CDH13: variants seen among roughly 807,000 people sequenced by gnomAD.
CDH13 encodes cadherin-13.
A neutral mutation model predicts 63.8 loss-of-function variants in CDH13; 24 were observed. The observed-to-expected ratio is 0.38, with a 90% CI of 0.27 to 0.53. The LOEUF is 0.53. Ranked by LOEUF, CDH13 falls within the 20% of genes least tolerant of loss-of-function variation. The pLI, the probability that CDH13 is intolerant of heterozygous loss-of-function variation, is 0.85. For missense variants in CDH13, 1,049 were observed against 903.1 expected, an observed-to-expected ratio of 1.16 and a Z score of -2.07; for synonymous variants, 503 against 355.3, an observed-to-expected ratio of 1.42 and a Z score of -4.67.
At chr16:82,888,195 C>G (rs537450722) in intron 2 of CDH13, among the ~76,000 whole-genome samples, 1 of 152,190 alleles carries the variant, frequency 6.6e-6, no homozygotes, top group Non-Finnish European at 1.5e-5. Context: ...TTTGTATCCT[C>G]TATGACCTTG....
intron 2 of CDH13, among the ~76,000 whole-genome samples, chr16:82,896,990 C>T (rs2041292944): frequency 7.0e-6 from 1 of 142,332 alleles, no homozygotes; most frequent in Admixed American, 7.0e-5. Flanking sequence ...ATCATGTTAG[C>T]CAGGATGGTC....
intron 2 of CDH13, among the ~76,000 whole-genome samples, chr16:82,993,201 T>C (rs1911849359): frequency 6.6e-6 from 1 of 152,230 alleles, no homozygotes; most frequent in Non-Finnish European, 1.5e-5. Flanking sequence ...CTATTCTTTG[T>C]GGGTTAATTT....
chr16:83,793,410 C>T (rs1213808109), intron 13 of CDH13, among the ~76,000 whole-genome samples: 1 of 152,188 alleles, frequency 6.6e-6, no homozygotes, highest in Non-Finnish European at 1.5e-5. Context: ...GAGCCAGCCC[C>T]GCAGCTGGCC....
chr16:82,923,657 G>T (rs1358483261), intron 2 of CDH13, among the ~76,000 whole-genome samples: 1 of 152,156 alleles, frequency 6.6e-6, no homozygotes, highest in African/African-American at 2.4e-5. Context: ...TACTTAGTAG[G>T]ATAGCCATGA....
intron 3 of CDH13, among the ~76,000 whole-genome samples, chr16:83,046,236 C>A (rs1224846766): frequency 6.6e-6 from 1 of 152,078 alleles, no homozygotes; most frequent in African/African-American, 2.4e-5. Flanking sequence ...TCACTGGGGC[C>A]CATAGCAGTG....
At position 83,772,149 on chromosome 16, in the gene CDH13, A is replaced by G. The variant is rs76747876; in HGVS notation, c.1682-7819A>G. On this transcript the variant is annotated intron_variant, in intron 11 of 13. Transcript: ENST00000567109. ...CTATCCATGTATACAAATAGACTCAATATTAAGAAAAGAAGTAGTATAAGA... is the reference window on the plus strand; with the variant it reads ...CTATCCATGTATACAAATAGACTCAGTATTAAGAAAAGAAGTAGTATAAGA... Among the ~76,000 whole-genome samples the G allele has an allele frequency of 6.0e-3, 910 of 152,328 alleles. 6 individuals carry two copies. The highest frequency in any genetic ancestry group is 0.02 in the African/African-American group (851 of 41,560).
intron 1 of CDH13, among the ~76,000 whole-genome samples, chr16:82,852,448 C>T (rs1307205153): frequency 2.0e-5 from 3 of 152,152 alleles, no homozygotes; most frequent in African/African-American, 4.8e-5. Context: ...TCCTTCCTTC[C>T]TATTTCCATG....
chr16:82,918,801 T>C (rs1451796898), intron 2 of CDH13, among the ~76,000 whole-genome samples: 1 of 152,172 alleles, frequency 6.6e-6, no homozygotes, highest in Non-Finnish European at 1.5e-5. Context: ...TGTGAGCCCC[T>C]ACGCCTGGCC....
chr16:83,122,548 C>T (rs1406973637), intron 3 of CDH13, among the ~76,000 whole-genome samples: 3 of 152,182 alleles, frequency 2.0e-5, no homozygotes, highest in Non-Finnish European at 2.9e-5. Context: ...CAACACGTTT[C>T]CCTTGACAAT....
chr16:83,260,302 GC>G (rs1279511968), intron 5 of CDH13, among the ~76,000 whole-genome samples: 7 of 152,176 alleles, frequency 4.6e-5, no homozygotes, highest in Middle Eastern at 3.4e-3. Context: ...AAATGCTGAT[GC>G]AAGATGTTAG....
At chr16:83,002,181 G>A (rs1389400055) in intron 2 of CDH13, among the ~76,000 whole-genome samples, 1 of 152,212 alleles carries the variant, frequency 6.6e-6, no homozygotes, top group Non-Finnish European at 1.5e-5. Flanking sequence ...GGTCTTTGAA[G>A]ATGTAGTTAA....
At chr16:82,706,270 G>C (rs191973785) in intron 1 of CDH13, among the ~76,000 whole-genome samples, 1 of 152,090 alleles carries the variant, frequency 6.6e-6, no homozygotes, top group Admixed American at 6.6e-5. Context: ...TGTGGTTCCC[G>C]TTACATGATG....
chr16:83,751,515 T>C (rs1913084737), intron 11 of CDH13, among the ~76,000 whole-genome samples: 4 of 151,744 alleles, frequency 2.6e-5, no homozygotes, highest in Admixed American at 2.0e-4. Context: ...GATGGCAAGA[T>C]GTGAGGAGGG....
At chr16:83,503,396 C>G (rs34886495) in intron 7 of CDH13, among the ~76,000 whole-genome samples, 45,588 of 152,030 alleles carry the variant, frequency 0.3, 6,911 homozygotes, top group Middle Eastern at 0.36. Context: ...GATAACAACA[C>G]GCCACATCTA....
intron 6 of CDH13, among the ~76,000 whole-genome samples, chr16:83,443,029 T>C (rs1598031071): frequency 6.6e-6 from 1 of 152,228 alleles, no homozygotes; most frequent in Non-Finnish European, 1.5e-5. Context: ...CCCACCAAAA[T>C]ACCAGCCACT....
intron 2 of CDH13, among the ~76,000 whole-genome samples, chr16:82,879,118 G>A (rs1042942943): frequency 6.6e-5 from 10 of 152,100 alleles, no homozygotes; most frequent in South Asian, 2.1e-4. Context: ...AGCTTTGCAG[G>A]CTGGGCCCAT....
In CDH13 at chr16:82,644,054, G is replaced by C. The variant is rs1033742790; in HGVS notation, c.45+16917G>C. On this transcript the variant is annotated intron_variant, in intron 1 of 13. Transcript: ENST00000567109. The surrounding 1 kb of genome is among the most constrained non-coding windows in gnomAD (Gnocchi z 5.7). ...TTAAAAGTAGTAAGTGGTTTAGGAT[G>C]GGGGGTGGTATGGAGGTCGGGTGGG... is the stretch of plus-strand genomic sequence containing the variant. Among the ~76,000 whole-genome samples the C allele has an allele frequency of 2.0e-5, 3 of 152,148 alleles. No individual in the cohort carries two copies. The highest frequency in any genetic ancestry group is 2.1e-4 in the South Asian group (1 of 4,820).
At chr16:83,214,852 C>T (rs1251580881) in intron 4 of CDH13, among the ~76,000 whole-genome samples, 1 of 151,866 alleles carries the variant, frequency 6.6e-6, no homozygotes, top group Non-Finnish European at 1.5e-5. Context: ...CAGTGGATCA[C>T]TGGGAAAGCT....
intron 1 of CDH13, among the ~76,000 whole-genome samples, chr16:82,655,320 C>T (rs1208274305): frequency 6.6e-6 from 1 of 152,174 alleles, no homozygotes; most frequent in South Asian, 2.1e-4. Context: ...GACGAAGGTG[C>T]TCCTTGTGAT....
Sources: allele counts gnomAD v4.1 joint callset (sites outside exome capture counted in the v4.1 genomes callset), GRCh38; gene constraint gnomAD v4.1.1; non-coding constraint Gnocchi (gnomAD v3.1); transcripts MANE v1.5; gene names NCBI Gene and HGNC (gene_info 2026-07-23, HGNC 2026-07-21).